ST3GAL1: variants seen among roughly 807,000 people sequenced by gnomAD.
The protein encoded by ST3GAL1 is ST3 beta-galactoside alpha-2,3-sialyltransferase 1, also known as CMP-N-acetylneuraminate-beta-galactosamide-alpha-2,3-sialyltransferase 1.
Under a neutral mutation model 34.1 loss-of-function variants are expected in ST3GAL1, and 16 were observed. The observed-to-expected ratio is 0.47, with a 90% CI of 0.32 to 0.71. The LOEUF (loss-of-function observed/expected upper bound fraction) is 0.71. Among genes scored for constraint, ST3GAL1 ranks in the 30% least tolerant of loss-of-function variants. The pLI, the probability that ST3GAL1 is intolerant of heterozygous loss-of-function variation, is 0.04. For missense variants in ST3GAL1, 353 were observed against 447.4 expected (o/e 0.79, Z 1.90); for synonymous variants, 191 against 184.7 (o/e 1.03, Z -0.28).
intron 2 of ST3GAL1, among the ~76,000 whole-genome samples, chr8:133,509,815 T>G (rs1817452956): frequency 6.6e-6 from 1 of 152,122 alleles, no homozygotes; most frequent in Non-Finnish European, 1.5e-5. Context: ...CCCAGTCCTT[T>G]GGGAGGCCAA....
At chr8:133,532,341 A>T (rs1022848053) in intron 2 of ST3GAL1, among the ~76,000 whole-genome samples, 1 of 151,986 alleles carries the variant, frequency 6.6e-6, no homozygotes, top group Non-Finnish European at 1.5e-5. Context: ...GTGCAGTGGC[A>T]TGCACCTGTA....
At chr8:133,488,424 C>G (rs1372119650) in intron 3 of ST3GAL1, 1 of 152,114 alleles carries the variant, frequency 6.6e-6, no homozygotes, top group Non-Finnish European at 1.5e-5. Context: ...GCCTTAAGGG[C>G]AAAAACTGAG....
At chr8:133,540,790 T>G (rs1290251411) in intron 2 of ST3GAL1, among the ~76,000 whole-genome samples, 9 of 122,094 alleles carry the variant, frequency 7.4e-5, no homozygotes, top group East Asian at 5.8e-4. Context: ...CATATATATA[T>G]ATAGACATAT....
At chr8:133,532,242 C>T (rs1286288658) in intron 2 of ST3GAL1, among the ~76,000 whole-genome samples, 10 of 152,050 alleles carry the variant, frequency 6.6e-5, no homozygotes, top group African/African-American at 2.2e-4. Context: ...GAGGCTGCGG[C>T]GGGTGGATCA....
chr8:133,554,735 T>C (rs1310588733), intron 1 of ST3GAL1, among the ~76,000 whole-genome samples: 1 of 150,722 alleles, frequency 6.6e-6, no homozygotes, highest in Non-Finnish European at 1.5e-5. Context: ...CTTTTCTTTT[T>C]TTTTTTTTTT....
At chr8:133,541,118 T>TAGAGAGAGAGAG (rs1243400532) in intron 2 of ST3GAL1, among the ~76,000 whole-genome samples, 590 of 52,086 alleles carry the variant, frequency 0.011, 47 homozygotes, top group Middle Eastern at 0.038. Context: ...TATATATATA[T>TAGAGAGAGAGAG]ATAGAGAGAG....
chr8:133,555,787 G>A (rs540224055), intron 1 of ST3GAL1, among the ~76,000 whole-genome samples: 1 of 152,252 alleles, frequency 6.6e-6, no homozygotes, highest in Admixed American at 6.5e-5. Context: ...TGCTGCTGTT[G>A]GAACGGCTCA....
At chr8:133,515,627 C>A (rs191113480) in intron 2 of ST3GAL1, 1 of 152,106 alleles carries the variant, frequency 6.6e-6, no homozygotes, top group African/African-American at 2.4e-5. Flanking sequence ...TTACCCTTAC[C>A]ATGAGTTTTC....
At chr8:133,490,612 G>A (rs1056334188) in intron 3 of ST3GAL1, among the ~76,000 whole-genome samples, 2 of 152,156 alleles carry the variant, frequency 1.3e-5, no homozygotes, top group Admixed American at 6.5e-5. Flanking sequence ...AGAGGGGGAG[G>A]GTAAACCAGG....
intron 3 of ST3GAL1, among the ~76,000 whole-genome samples, chr8:133,484,971 T>C (rs1390139729): frequency 6.6e-6 from 1 of 152,192 alleles, no homozygotes. Context: ...CTTGTAGCTA[T>C]GATCAACGAA....
intron 3 of ST3GAL1, among the ~76,000 whole-genome samples, chr8:133,483,349 C>T (rs1401000545): frequency 6.6e-6 from 1 of 152,048 alleles, no homozygotes; most frequent in Non-Finnish European, 1.5e-5. Context: ...CTTAAACAAA[C>T]AAACAAACAA....
rs1239085941 is a variant in ST3GAL1 at position 133,466,628 on chromosome 8, C to T, written c.307-538G>A. Among the ~76,000 whole-genome samples, 2 of 152,222 alleles carry T rather than the reference C, an allele frequency of 1.3e-5. No individual in the cohort carries two copies. Among genetic ancestry groups the T allele is most frequent in the Non-Finnish European group, 2.9e-5 (2 of 68,026 alleles). Reference sequence around the variant, plus strand: ...CGAGGAGTAGGTGGAAATGCCAGTTCTCCAGCCCCGGCCAGGGATGGGGGA... The same window carrying T: ...CGAGGAGTAGGTGGAAATGCCAGTTTTCCAGCCCCGGCCAGGGATGGGGGA... On this transcript the variant is annotated intron_variant, in intron 5 of 9. Coordinates refer to ENST00000522652, the MANE Select transcript of ST3GAL1 (RefSeq NM_173344.3). This position sits in a 1 kb window ranked among gnomAD's most constrained non-coding sequence, Gnocchi z 4.4.
At chr8:133,544,613 T>C (rs892154162) in intron 2 of ST3GAL1, among the ~76,000 whole-genome samples, 1 of 152,218 alleles carries the variant, frequency 6.6e-6, no homozygotes, top group East Asian at 1.9e-4. Flanking sequence ...GATTGCTTCT[T>C]CCCCTTTAGA....
At chr8:133,549,606 G>C (rs1818781830) in intron 1 of ST3GAL1, among the ~76,000 whole-genome samples, 1 of 152,012 alleles carries the variant, frequency 6.6e-6, no homozygotes, top group African/African-American at 2.4e-5. Flanking sequence ...AAAAAAATAA[G>C]TTGGCAATGG....
At chr8:133,532,341 A>G (rs1022848053) in intron 2 of ST3GAL1, among the ~76,000 whole-genome samples, 2 of 151,986 alleles carry the variant, frequency 1.3e-5, no homozygotes, top group South Asian at 2.1e-4. Context: ...GTGCAGTGGC[A>G]TGCACCTGTA....
chr8:133,516,200 A>G (rs568748566), intron 2 of ST3GAL1: 1 of 152,138 alleles, frequency 6.6e-6, no homozygotes, highest in Non-Finnish European at 1.5e-5. Context: ...CCTCCCTGCT[A>G]TGCCTAGAAG....
intron 8 of ST3GAL1, 57 bp from the exon 9 acceptor site, chr8:133,462,051 G>A (rs2130916014): frequency 1.2e-6 from 2 of 1,609,958 alleles, no homozygotes; most frequent in East Asian, 4.5e-5. Flanking sequence ...AGGACATGGA[G>A]CGCCTGTCAG....
intron 3 of ST3GAL1, among the ~76,000 whole-genome samples, chr8:133,477,106 A>G (rs114101560): frequency 0.013 from 1,989 of 152,248 alleles, 13 homozygotes; most frequent in Admixed American, 0.018. Context: ...GTCCAGGTTC[A>G]AGTTCTGATT....
chr8:133,473,936 T>C (rs971107339), intron 5 of ST3GAL1, among the ~76,000 whole-genome samples: 4 of 152,090 alleles, frequency 2.6e-5, no homozygotes, highest in African/African-American at 9.7e-5. Flanking sequence ...CCTAGACCCT[T>C]GGATCTTTGA....
Sources: gnomAD v4.1 joint callset for allele counts (sites outside exome capture counted in the v4.1 genomes callset) on GRCh38, gnomAD v4.1.1 for gene constraint, Gnocchi (gnomAD v3.1) non-coding constraint, MANE v1.5 for transcripts, NCBI Gene and HGNC (gene_info 2026-07-23, HGNC 2026-07-21) for gene names.